Variants in PDZD2 observed in about 807,000 individuals in gnomAD.
PDZD2 encodes PDZ domain containing 2.
In PDZD2, 90 loss-of-function variants were observed where a neutral mutation model predicts 220.7. The ratio of observed to expected loss-of-function variants is 0.41; its 90% confidence interval spans 0.34 to 0.49. The LOEUF is 0.49. Among genes scored for constraint, PDZD2 ranks in the 20% least tolerant of loss-of-function variants. PDZD2 has a pLI of 0.28. For synonymous variants in PDZD2, 1,375 were observed against 1,450.5 expected, an observed-to-expected ratio of 0.95 and a Z score of 1.18; for missense variants, 3,174 against 3,608.5, an observed-to-expected ratio of 0.88 and a Z score of 3.08.
intron 1 of PDZD2, among the ~76,000 whole-genome samples, chr5:31,657,065 T>C (rs1745580085): frequency 6.6e-6 from 1 of 152,074 alleles, no homozygotes; most frequent in South Asian, 2.1e-4. Flanking sequence ...AGACAGGAAA[T>C]GTCATAAAGC....
At chr5:31,872,772 A>G (rs1004730114) in intron 2 of PDZD2, among the ~76,000 whole-genome samples, 1 of 152,062 alleles carries the variant, frequency 6.6e-6, no homozygotes, top group South Asian at 2.1e-4. Context: ...ATATATCTAC[A>G]TACGTGTGTG....
chr5:31,656,528 T>A (rs917876791), intron 1 of PDZD2, among the ~76,000 whole-genome samples: 3 of 152,174 alleles, frequency 2.0e-5, no homozygotes, highest in Non-Finnish European at 4.4e-5. Context: ...CGACTATTCT[T>A]GTTTAATGTA....
intron 18 of PDZD2, among the ~76,000 whole-genome samples, 167 bp downstream of exon 18, chr5:32,074,810 CTTT>C (rs33999865): frequency 5.5e-5 from 8 of 145,330 alleles, no homozygotes; most frequent in South Asian, 2.2e-4. Flanking sequence ...GCTTGGAAGC[CTTT>C]TTTTTTTTTT....
intron 1 of PDZD2, among the ~76,000 whole-genome samples, chr5:31,788,450 G>C (rs1455924526): frequency 6.6e-6 from 1 of 152,180 alleles, no homozygotes; most frequent in Admixed American, 6.5e-5. Flanking sequence ...CGGATCACGA[G>C]TTCAGGAGAT....
intron 3 of PDZD2, among the ~76,000 whole-genome samples, chr5:31,987,271 G>T (rs1323898175): frequency 1.3e-5 from 2 of 152,096 alleles, no homozygotes; most frequent in African/African-American, 4.8e-5. Flanking sequence ...GACTGGCATG[G>T]GTATGTCTAT....
intron 1 of PDZD2, among the ~76,000 whole-genome samples, chr5:31,684,196 C>A (rs560110616): frequency 2.6e-5 from 4 of 152,298 alleles, no homozygotes; most frequent in Admixed American, 1.3e-4. Context: ...TACTGACAGT[C>A]CTACTTGGGT....
At chr5:31,824,141 T>A (rs557585106) in intron 2 of PDZD2, among the ~76,000 whole-genome samples, 1 of 152,196 alleles carries the variant, frequency 6.6e-6, no homozygotes, top group Non-Finnish European at 1.5e-5. Flanking sequence ...CAAGTGCCTT[T>A]AACTTAAATA....
intron 2 of PDZD2, among the ~76,000 whole-genome samples, chr5:31,898,463 G>A (rs1741775183): frequency 6.6e-6 from 1 of 152,178 alleles, no homozygotes; most frequent in Admixed American, 6.5e-5. Flanking sequence ...AGTGCTTCAG[G>A]GATTTGGTGC....
At chr5:31,848,086 G>A (rs373119745) in intron 2 of PDZD2, 5 of 331,394 alleles carry the variant, frequency 1.5e-5, no homozygotes, top group African/African-American at 8.6e-5. Flanking sequence ...CCCTTGCCCA[G>A]AAGAAAGATC....
At chr5:31,698,017 C>T (rs1316775830) in intron 1 of PDZD2, among the ~76,000 whole-genome samples, 1 of 151,726 alleles carries the variant, frequency 6.6e-6, no homozygotes, top group African/African-American at 2.4e-5. Flanking sequence ...ATTCTTCTGC[C>T]TCAGCCTCCC....
rs777384768 is a variant in PDZD2 at position 32,000,936 on chromosome 5, C to T, written c.1254+665C>T. On this transcript the variant is annotated intron_variant, in intron 5 of 24. Coordinates refer to ENST00000438447, the MANE Select transcript of PDZD2 (RefSeq NM_178140.4). The surrounding 1 kb of genome is among the most constrained non-coding windows in gnomAD (Gnocchi z 4.5). The stretch of plus-strand genomic sequence containing the variant: ...AGTAGGTGAGTGGCCTGTGAGACAG[C>T]GTTACCTCCTGAGAGCTCCGCCTCC... 1.3e-5 allele frequency among the ~76,000 whole-genome samples: 2 copies of T among 152,294 alleles called. No individual in the cohort carries two copies. The highest frequency in any genetic ancestry group is 2.1e-4 in the South Asian group (1 of 4,824).
intron 2 of PDZD2, among the ~76,000 whole-genome samples, chr5:31,953,783 C>A (rs958284167): frequency 1.3e-5 from 2 of 151,960 alleles, no homozygotes; most frequent in African/African-American, 4.8e-5. Context: ...TCCCGAGTAG[C>A]TGGGACTACA....
At chr5:31,870,198 G>A (rs1738657447) in intron 2 of PDZD2, among the ~76,000 whole-genome samples, 1 of 152,094 alleles carries the variant, frequency 6.6e-6, no homozygotes, top group Non-Finnish European at 1.5e-5. Context: ...CACCTGCTGA[G>A]GGAAAAGGGC....
intron 1 of PDZD2, among the ~76,000 whole-genome samples, chr5:31,642,205 G>A (rs1056467191): frequency 3.9e-5 from 6 of 152,194 alleles, no homozygotes; most frequent in Admixed American, 1.3e-4. Context: ...CCAAAGAGAG[G>A]CTGAATCTCT....
At chr5:31,710,669 T>C (rs1232175310) in intron 1 of PDZD2, among the ~76,000 whole-genome samples, 2 of 151,998 alleles carry the variant, frequency 1.3e-5, no homozygotes, top group Non-Finnish European at 2.9e-5. Flanking sequence ...AATACAAAAT[T>C]AGCTGGATGT....
intron 2 of PDZD2, among the ~76,000 whole-genome samples, chr5:31,833,948 G>A (rs948751471): frequency 6.6e-6 from 1 of 152,220 alleles, no homozygotes; most frequent in African/African-American, 2.4e-5. Flanking sequence ...GGCCAGGTTA[G>A]CCACCAGGAT....
chr5:31,981,979 T>C (rs1342682192), intron 2 of PDZD2, among the ~76,000 whole-genome samples: 1 of 152,200 alleles, frequency 6.6e-6, no homozygotes, highest in Non-Finnish European at 1.5e-5. Context: ...CTTATCTCCT[T>C]TGTATTACTT....
rs570777256 is a variant in PDZD2 at position 32,006,977 on chromosome 5, G to A, written c.1255-3353G>A. Among the ~76,000 whole-genome samples, 32 of 133,600 alleles carry A rather than the reference G, an allele frequency of 2.4e-4. No homozygotes were observed. The East Asian group carries it at 5.7e-3, about 24-fold the overall frequency. 87.6% of individuals were successfully genotyped at this position (133,600 alleles called of 152,430 possible). ...GTCTCCCAGGCTGGAGTGCAGTGGC[G>A]CCATCTCAGCTCACTACAAGCTCCG... On this transcript the variant is annotated intron_variant, in intron 5 of 24. Coordinates refer to ENST00000438447, the MANE Select transcript of PDZD2 (RefSeq NM_178140.4).
At chr5:31,949,808 G>T (rs998738062) in intron 2 of PDZD2, among the ~76,000 whole-genome samples, 21 of 151,290 alleles carry the variant, frequency 1.4e-4, no homozygotes, top group Admixed American at 4.0e-4. Flanking sequence ...AAGTAGCTGG[G>T]ATTACAGGCA....
Sources: allele counts gnomAD v4.1 joint callset (sites outside exome capture counted in the v4.1 genomes callset), GRCh38; gene constraint gnomAD v4.1.1; non-coding constraint Gnocchi (gnomAD v3.1); transcripts MANE v1.5; gene names NCBI Gene and HGNC (gene_info 2026-07-23, HGNC 2026-07-21).